The following PLXDC2 variants were observed in gnomAD, a reference collection of about 807,000 sequenced individuals.
PLXDC2 encodes plexin domain containing 2.
Under a neutral mutation model 68.9 loss-of-function variants are expected in PLXDC2, and 40 were observed. That is an observed-to-expected ratio of 0.58 (90% confidence interval 0.45 to 0.76). The LOEUF (loss-of-function observed/expected upper bound fraction) is 0.76, where lower values mean the gene tolerates loss of function less well. Among genes scored for constraint, PLXDC2 ranks in the 30% least tolerant of loss-of-function variants. PLXDC2 has a pLI of 0.00. For synonymous variants in PLXDC2, 243 were observed against 234.2 expected, an observed-to-expected ratio of 1.04 and a Z score of -0.34; for missense variants, 644 against 661.9, an observed-to-expected ratio of 0.97 and a Z score of 0.30.
At chr10:20,268,827 T>C (rs1835901307) in intron 13 of PLXDC2, among the ~76,000 whole-genome samples, 1 of 152,198 alleles carries the variant, frequency 6.6e-6, no homozygotes, top group Admixed American at 6.5e-5. Flanking sequence ...TTTAACTCAG[T>C]CACCAGGCAG....
intron 10 of PLXDC2, among the ~76,000 whole-genome samples, chr10:20,212,716 A>G (rs753042137): frequency 1.1e-4 from 17 of 152,164 alleles, no homozygotes; most frequent in Non-Finnish European, 2.5e-4. Flanking sequence ...ATTTTTAAAA[A>G]CATTCTTGAA....
rs537175679 is a variant in PLXDC2 at position 20,049,086 on chromosome 10, T to A, written c.471+2071T>A. 2.6e-5 allele frequency among the ~76,000 whole-genome samples: 4 copies of A among 152,180 alleles called. No homozygotes were observed. The East Asian group carries it at 7.7e-4, about 29-fold the overall frequency. ...CATAGCTTGGGTTCTTGGTTACCCA[T>A]GAGTATTGAAGCCATTAACAAACAT... On this transcript the variant is annotated intron_variant, in intron 3 of 13. Coordinates refer to ENST00000377252, the MANE Select transcript of PLXDC2 (RefSeq NM_032812.9).
At chr10:20,023,028 C>G (rs1835339037) in intron 2 of PLXDC2, among the ~76,000 whole-genome samples, 1 of 150,068 alleles carries the variant, frequency 6.7e-6, no homozygotes. Context: ...ATAACCCTCC[C>G]CCCGCAAAAA....
At chr10:19,919,434 G>A (rs1833422493) in intron 1 of PLXDC2, among the ~76,000 whole-genome samples, 1 of 152,178 alleles carries the variant, frequency 6.6e-6, no homozygotes, top group South Asian at 2.1e-4. Context: ...GGAGCCTGCT[G>A]TAAAAATATC....
chr10:19,952,122 A>T (rs1383695290), intron 1 of PLXDC2, among the ~76,000 whole-genome samples: 1 of 152,180 alleles, frequency 6.6e-6, no homozygotes, highest in East Asian at 1.9e-4. Context: ...GCAATCCTGC[A>T]CATGTACTCC....
intron 1 of PLXDC2, among the ~76,000 whole-genome samples, chr10:19,924,138 G>A (rs1023479340): frequency 6.6e-6 from 1 of 152,182 alleles, no homozygotes; most frequent in African/African-American, 2.4e-5. Flanking sequence ...AAAAGCCTCA[G>A]CTTGTAAGCA....
intron 1 of PLXDC2, among the ~76,000 whole-genome samples, chr10:19,987,167 A>G (rs529649116): frequency 4.3e-4 from 65 of 152,298 alleles, no homozygotes; most frequent in African/African-American, 1.4e-3. Context: ...GAGAGCCTAG[A>G]GAGATGACCC....
intron 7 of PLXDC2, among the ~76,000 whole-genome samples, chr10:20,166,152 C>T (rs991107498): frequency 2.6e-5 from 4 of 152,134 alleles, no homozygotes; most frequent in Non-Finnish European, 4.4e-5. Context: ...CAACTCTCAA[C>T]TGTAGACAGC....
intron 9 of PLXDC2, among the ~76,000 whole-genome samples, chr10:20,180,447 G>A (rs77038298): frequency 0.024 from 3,629 of 151,898 alleles, 57 homozygotes; most frequent in Non-Finnish European, 0.032. Context: ...TGTAATCTTC[G>A]AAACTTTGCT....
intron 10 of PLXDC2, among the ~76,000 whole-genome samples, chr10:20,213,984 T>A (rs945944321): frequency 3.3e-5 from 5 of 152,126 alleles, no homozygotes; most frequent in African/African-American, 1.2e-4. Context: ...TTTCTTCAGA[T>A]GTATTTACCG....
intron 1 of PLXDC2, among the ~76,000 whole-genome samples, chr10:19,914,787 C>G (rs540084825): frequency 6.6e-6 from 1 of 152,190 alleles, no homozygotes; most frequent in Non-Finnish European, 1.5e-5. Context: ...TAGTCCCACA[C>G]CTTTATGACC....
intron 3 of PLXDC2, among the ~76,000 whole-genome samples, chr10:20,067,693 A>C (rs911446364): frequency 1.3e-5 from 2 of 152,110 alleles, no homozygotes; most frequent in African/African-American, 4.8e-5. Context: ...GACTCAAAAA[A>C]AAAAAAAAAA....
At chr10:19,878,734 C>A (rs1272460760) in intron 1 of PLXDC2, among the ~76,000 whole-genome samples, 2 of 152,092 alleles carry the variant, frequency 1.3e-5, no homozygotes, top group African/African-American at 4.8e-5. Context: ...GTTTTTATTG[C>A]CAAAATAAAT....
chr10:20,154,685 T>C (rs1048224946), intron 6 of PLXDC2, among the ~76,000 whole-genome samples: 1 of 152,152 alleles, frequency 6.6e-6, no homozygotes, highest in African/African-American at 2.4e-5. Context: ...CTTTGACTTG[T>C]CTTATCTCTA....
At chr10:20,159,028 A>G (rs545847389) in intron 6 of PLXDC2, among the ~76,000 whole-genome samples, 1 of 152,312 alleles carries the variant, frequency 6.6e-6, no homozygotes, top group African/African-American at 2.4e-5. Context: ...TTTAATCAGG[A>G]CAAAAGAGTA....
chr10:20,137,292 A>G (rs553515059), intron 4 of PLXDC2, among the ~76,000 whole-genome samples: 3 of 152,322 alleles, frequency 2.0e-5, no homozygotes, highest in East Asian at 1.9e-4. Context: ...TCTTTCAGCC[A>G]TCACAACAAC....
chr10:20,030,265 C>T (rs1196401223), intron 2 of PLXDC2, among the ~76,000 whole-genome samples: 5 of 152,080 alleles, frequency 3.3e-5, no homozygotes, highest in Non-Finnish European at 7.4e-5. Context: ...TACAAATGAC[C>T]ATGAATTCCT....
chr10:20,254,825 TC>T (rs1472775722), intron 13 of PLXDC2, among the ~76,000 whole-genome samples: 2 of 152,198 alleles, frequency 1.3e-5, no homozygotes, highest in African/African-American at 2.4e-5. Context: ...CAATTTCTGT[TC>T]TAAGATGCTA....
chr10:20,223,779 T>C (rs909736376), intron 12 of PLXDC2, among the ~76,000 whole-genome samples: 4 of 152,192 alleles, frequency 2.6e-5, no homozygotes, highest in Non-Finnish European at 4.4e-5. Flanking sequence ...TAATCCTTTC[T>C]GTGAAAATCA....
Sources: gnomAD v4.1 joint callset for allele counts (sites outside exome capture counted in the v4.1 genomes callset) on GRCh38, gnomAD v4.1.1 for gene constraint, MANE v1.5 for transcripts, NCBI Gene and HGNC (gene_info 2026-07-23, HGNC 2026-07-21) for gene names.